RAB30: variants seen among roughly 807,000 people sequenced by gnomAD.
RAB30 encodes the protein ras-related protein Rab-30.
A neutral mutation model predicts 25.1 loss-of-function variants in RAB30; 9 were observed. The observed-to-expected ratio is 0.36, with a 90% CI of 0.22 to 0.63. The LOEUF (loss-of-function observed/expected upper bound fraction) is 0.63, where lower values mean the gene tolerates loss of function less well. Among genes scored for constraint, RAB30 ranks in the 20% least tolerant of loss-of-function variants. The pLI is 0.69. For synonymous variants in RAB30, 77 were observed against 86.4 expected, an observed-to-expected ratio of 0.89 and a Z score of 0.60; for missense variants, 140 against 243.5, an observed-to-expected ratio of 0.58 and a Z score of 2.83.
intron 1 of RAB30, among the ~76,000 whole-genome samples, chr11:83,064,685 G>C (rs12289181): frequency 0.021 from 3,165 of 152,268 alleles, 101 homozygotes; most frequent in African/African-American, 0.072. Context: ...TCCTGAAGCA[G>C]CCCTTGATGT....
chr11:83,061,372 T>C (rs997228722), intron 1 of RAB30, among the ~76,000 whole-genome samples: 1 of 152,206 alleles, frequency 6.6e-6, no homozygotes, highest in Non-Finnish European at 1.5e-5. Context: ...GGGTAAGTAG[T>C]CTTGATAAGA....
chr11:82,992,470 G>C (rs1329903098), intron 3 of RAB30: 1 of 440,348 alleles, frequency 2.3e-6, no homozygotes, highest in African/African-American at 2.0e-5. Context: ...ACACTTCTCT[G>C]TGATGGCAAG....
intron 2 of RAB30, among the ~76,000 whole-genome samples, chr11:82,996,623 G>A (rs1450280821): frequency 6.6e-6 from 1 of 152,172 alleles, no homozygotes; most frequent in African/African-American, 2.4e-5. Context: ...CAGTCCCAAA[G>A]GGAACCTGTA....
At chr11:83,027,913 T>C (rs992830904) in intron 1 of RAB30, among the ~76,000 whole-genome samples, 1 of 152,196 alleles carries the variant, frequency 6.6e-6, no homozygotes, top group Admixed American at 6.5e-5. Context: ...CTGTGGTCTT[T>C]TGTGAGTGAC....
chr11:83,009,787 T>TTTTCAATACTCATCAAAAGCC (rs968524707), intron 1 of RAB30, among the ~76,000 whole-genome samples: 1 of 152,126 alleles, frequency 6.6e-6, no homozygotes, highest in Non-Finnish European at 1.5e-5. Flanking sequence ...CAATAGCAAC[T>TTTTCAATACTCATCAAAAGCC]TTTCAATACT....
At chr11:82,999,056 G>A (rs1857019645) in intron 1 of RAB30, among the ~76,000 whole-genome samples, 1 of 152,186 alleles carries the variant, frequency 6.6e-6, no homozygotes, top group Admixed American at 6.5e-5. Flanking sequence ...CAACATGTAG[G>A]TAGCTCATGG....
chr11:83,051,172 G>T (rs1330823347), intron 1 of RAB30, among the ~76,000 whole-genome samples: 2 of 152,152 alleles, frequency 1.3e-5, no homozygotes, highest in Non-Finnish European at 2.9e-5. Context: ...TTCTCCATCT[G>T]CAGGTTAAAA....
intron 1 of RAB30, among the ~76,000 whole-genome samples, chr11:83,059,827 G>C (rs1240417940): frequency 6.6e-6 from 1 of 151,924 alleles, no homozygotes; most frequent in Non-Finnish European, 1.5e-5. Flanking sequence ...GGTTGAGGGG[G>C]AAAAAAGGCA....
Position 82,998,736 on chromosome 11 carries a change from A to C in RAB30, c.-8-1412T>G, listed in dbSNP as rs145612516. ...GAAAAAAAAAAAAAGCTAAATAACA[A>C]TTTGCGCCAACAGTGCAAGAGTGGA... On this transcript the variant is annotated intron_variant, in intron 1 of 4. Transcript: ENST00000527633. Among the ~76,000 whole-genome samples the C allele has an allele frequency of 4.9e-3, 745 of 152,134 alleles. 3 individuals are homozygous for C. The highest frequency in any genetic ancestry group is 7.3e-3 in the Non-Finnish European group (498 of 67,998).
intron 3 of RAB30, among the ~76,000 whole-genome samples, chr11:82,989,689 T>C (rs1316549573): frequency 6.6e-6 from 1 of 152,178 alleles, no homozygotes; most frequent in African/African-American, 2.4e-5. Flanking sequence ...GCTTCGAGGG[T>C]TAAAGTCACT....
intron 3 of RAB30, among the ~76,000 whole-genome samples, chr11:82,990,714 A>G (rs148727638): frequency 5.6e-4 from 85 of 152,300 alleles, no homozygotes; most frequent in African/African-American, 2.0e-3. Flanking sequence ...CTTATTACTC[A>G]TTAATTTATA....
intron 3 of RAB30, among the ~76,000 whole-genome samples, chr11:82,993,808 C>A (rs1856904775): frequency 6.6e-6 from 1 of 152,174 alleles, no homozygotes; most frequent in Non-Finnish European, 1.5e-5. Flanking sequence ...GGAGACAGGA[C>A]AAACTTGCCT....
intron 1 of RAB30, among the ~76,000 whole-genome samples, chr11:83,065,933 G>T (rs1020255323): frequency 6.6e-6 from 1 of 152,166 alleles, no homozygotes; most frequent in African/African-American, 2.4e-5. Context: ...ACATAAATAT[G>T]TATACGTATA....
chr11:83,042,923 T>G (rs1271239534), intron 1 of RAB30, among the ~76,000 whole-genome samples: 3 of 152,256 alleles, frequency 2.0e-5, no homozygotes, highest in Non-Finnish European at 4.4e-5. Flanking sequence ...ATGTGTAATC[T>G]TGTTTGGATC....
intron 1 of RAB30, among the ~76,000 whole-genome samples, chr11:83,064,107 T>G (rs1565293653): frequency 1.4e-5 from 2 of 139,638 alleles, no homozygotes; most frequent in Admixed American, 1.5e-4. Context: ...TTTTAATTAA[T>G]CTTATGTTAT....
At chr11:83,034,806 T>C (rs1210580371) in intron 1 of RAB30, 2 of 151,964 alleles carry the variant, frequency 1.3e-5, no homozygotes, top group Non-Finnish European at 2.9e-5. Flanking sequence ...ATAAGAACAT[T>C]GACTCAGAGA....
intron 1 of RAB30, among the ~76,000 whole-genome samples, chr11:83,060,857 G>A (rs1313619507): frequency 6.6e-6 from 1 of 152,164 alleles, no homozygotes; most frequent in African/African-American, 2.4e-5. Flanking sequence ...CAATGTTGGT[G>A]GGCACCATTC....
rs201387980 is a variant in RAB30 at position 83,058,482 on chromosome 11, GA to G, written c.-9+13208del. Among the ~76,000 whole-genome samples the G allele has an allele frequency of 7.4e-3, 1,124 of 151,962 alleles. 22 individuals carry two copies. The highest frequency in any genetic ancestry group is 0.026 in the African/African-American group (1,083 of 41,472). ...GACCTTTACTTTTTTGAAAAATACA[GA>G]AAAAAAATATTATGTAGAATGTTTC... On this transcript the variant is annotated intron_variant, in intron 1 of 4. Coordinates refer to ENST00000527633, the MANE Select transcript of RAB30 (RefSeq NM_001286060.2).
At chr11:83,038,070 C>G (rs954626626) in intron 1 of RAB30, among the ~76,000 whole-genome samples, 9 of 152,120 alleles carry the variant, frequency 5.9e-5, no homozygotes, top group Non-Finnish European at 1.2e-4. Flanking sequence ...CAGATGACTC[C>G]TTGACTGGAG....
Sources: gnomAD v4.1 joint callset for allele counts (sites outside exome capture counted in the v4.1 genomes callset) on GRCh38, gnomAD v4.1.1 for gene constraint, MANE v1.5 for transcripts, NCBI Gene and HGNC (gene_info 2026-07-23, HGNC 2026-07-21) for gene names.